The following FOXP2 variants were observed in gnomAD, a reference collection of about 807,000 sequenced individuals.
FOXP2 encodes forkhead box P2, also known as forkhead box protein P2.
In FOXP2, 12 loss-of-function variants were observed where a neutral mutation model predicts 115.8. The ratio of observed to expected loss-of-function variants is 0.10; its 90% confidence interval spans 0.07 to 0.17. The LOEUF (loss-of-function observed/expected upper bound fraction) is 0.17. FOXP2 is among the 10% of genes least tolerant of loss of function. FOXP2 has a pLI of 1.00. For missense variants in FOXP2, 629 were observed against 843.5 expected (o/e 0.75, Z 3.15); for synonymous variants, 328 against 297.7 (o/e 1.10, Z -1.05).
At chr7:114,357,216 T>A (rs1471386392) in intron 2 of FOXP2, among the ~76,000 whole-genome samples, 1 of 152,154 alleles carries the variant, frequency 6.6e-6, no homozygotes, top group African/African-American at 2.4e-5. Context: ...TTACATATAT[T>A]TTGGGTGCTT....
At chr7:114,460,205 T>C (rs1468099978) in intron 2 of FOXP2, among the ~76,000 whole-genome samples, 1 of 152,166 alleles carries the variant, frequency 6.6e-6, no homozygotes, top group African/African-American at 2.4e-5. Flanking sequence ...TGGGCATCCA[T>C]ACAGGAATGA....
At chr7:114,523,611 C>T (rs1295359362) in intron 2 of FOXP2, among the ~76,000 whole-genome samples, 1 of 152,122 alleles carries the variant, frequency 6.6e-6, no homozygotes, top group Non-Finnish European at 1.5e-5. Flanking sequence ...TTTTTCTCTT[C>T]TGTGCCTCCA....
intron 2 of FOXP2, among the ~76,000 whole-genome samples, chr7:114,485,628 C>T (rs2129240026): frequency 6.6e-6 from 1 of 151,968 alleles, no homozygotes; most frequent in Admixed American, 6.6e-5. Context: ...TAGTAATAAT[C>T]ATGCTAATAA....
chr7:114,521,504 G>A (rs1006275489), intron 2 of FOXP2, among the ~76,000 whole-genome samples: 1 of 128,966 alleles, frequency 7.8e-6, no homozygotes, highest in Admixed American at 9.2e-5. Context: ...CTGTACTCCA[G>A]CCTGGGCAAA....
chr7:114,689,435 GATTA>G (rs1393935285), intron 16 of FOXP2, among the ~76,000 whole-genome samples: 15 of 152,060 alleles, frequency 9.9e-5, no homozygotes, highest in Admixed American at 5.2e-4. Flanking sequence ...TTCATTTGTT[GATTA>G]ATTATTTGTT....
chr7:114,381,485 T>C (rs1792293691), intron 2 of FOXP2, among the ~76,000 whole-genome samples: 1 of 152,174 alleles, frequency 6.6e-6, no homozygotes, highest in Admixed American at 6.5e-5. Context: ...CTTGAACCCT[T>C]GGGGTAAAAC....
At chr7:114,099,810 A>G (rs1207449329) in intron 1 of FOXP2, among the ~76,000 whole-genome samples, 3 of 152,166 alleles carry the variant, frequency 2.0e-5, no homozygotes, top group Admixed American at 2.0e-4. Context: ...CAAAGGATAC[A>G]AAGTCACAGA....
intron 1 of FOXP2, among the ~76,000 whole-genome samples, chr7:114,130,965 G>C (rs540390202): frequency 6.0e-4 from 91 of 152,164 alleles, no homozygotes; most frequent in Non-Finnish European, 1.2e-3. Context: ...AATTAAACTG[G>C]AAGTGTTTGT....
intron 3 of FOXP2, among the ~76,000 whole-genome samples, chr7:114,597,256 G>A (rs1802775888): frequency 6.6e-6 from 1 of 152,048 alleles, no homozygotes; most frequent in South Asian, 2.1e-4. Flanking sequence ...CTTTCTGGCA[G>A]GAGTATATAT....
chr7:114,301,070 G>A (rs1038608263), intron 2 of FOXP2, among the ~76,000 whole-genome samples: 11 of 151,922 alleles, frequency 7.2e-5, no homozygotes, highest in Admixed American at 6.6e-4. Context: ...TTGATATGCT[G>A]AAATTAGAAT....
At chr7:114,567,985 G>T (rs763507859) in intron 3 of FOXP2, among the ~76,000 whole-genome samples, 1 of 152,042 alleles carries the variant, frequency 6.6e-6, no homozygotes, top group Non-Finnish European at 1.5e-5. Flanking sequence ...TTACTTAAAA[G>T]CATTTGCCTT....
intron 1 of FOXP2, among the ~76,000 whole-genome samples, chr7:114,254,498 A>G (rs1795548793): frequency 6.6e-6 from 1 of 151,206 alleles, no homozygotes; most frequent in African/African-American, 2.4e-5. Context: ...ATTTCTTTTT[A>G]CTCTTTTTTC....
intron 1 of FOXP2, among the ~76,000 whole-genome samples, chr7:114,140,466 G>C (rs751243882): frequency 6.6e-6 from 1 of 152,142 alleles, no homozygotes; most frequent in Non-Finnish European, 1.5e-5. Flanking sequence ...ATGGCCCCTA[G>C]TGAGGGTGTT....
intron 2 of FOXP2, among the ~76,000 whole-genome samples, chr7:114,394,001 TGTGTGAGAGAGAGA>T (rs1311565665): frequency 2.0e-5 from 2 of 102,390 alleles, no homozygotes; most frequent in Admixed American, 1.7e-4. Context: ...TGTGTGTGTG[TGTGTGAGAGAGAGA>T]GAGAGAGAGA....
chr7:114,271,390 A>G (rs1389528795), intron 1 of FOXP2, among the ~76,000 whole-genome samples: 2 of 148,926 alleles, frequency 1.3e-5, no homozygotes, highest in East Asian at 3.9e-4. Flanking sequence ...ATTTCTCACA[A>G]TTAAGTATGT....
intron 1 of FOXP2, among the ~76,000 whole-genome samples, chr7:114,249,837 TG>T (rs1399025555): frequency 4.6e-5 from 7 of 152,232 alleles, no homozygotes; most frequent in African/African-American, 1.7e-4. Context: ...CTAGGGTACA[TG>T]TGCACAACGT....
chr7:114,633,624 A>ATT (rs1805042049), intron 6 of FOXP2, among the ~76,000 whole-genome samples: 1 of 152,208 alleles, frequency 6.6e-6, no homozygotes, highest in African/African-American at 2.4e-5. Context: ...TGTAAGCCAC[A>ATT]CAAACCGGCA....
At chr7:114,422,649 G>A (rs527773402) in intron 1 of FOXP2, among the ~76,000 whole-genome samples, 45 of 151,726 alleles carry the variant, frequency 3.0e-4, no homozygotes, top group African/African-American at 1.1e-3. Flanking sequence ...CATAGAGAAA[G>A]TTGAGTAAGC....
At chr7:114,214,635 G>C (rs547375921) in intron 1 of FOXP2, among the ~76,000 whole-genome samples, 2 of 152,126 alleles carry the variant, frequency 1.3e-5, no homozygotes, top group African/African-American at 4.8e-5. Flanking sequence ...CTGGTGTGGA[G>C]GGCCACAGAG....
Sources: gnomAD v4.1 joint callset for allele counts (sites outside exome capture counted in the v4.1 genomes callset) on GRCh38, gnomAD v4.1.1 for gene constraint, MANE v1.5 for transcripts, NCBI Gene and HGNC (gene_info 2026-07-23, HGNC 2026-07-21) for gene names.